The following ARAP2 variants were observed in gnomAD, a reference collection of about 807,000 sequenced individuals.
ARAP2 encodes ArfGAP with RhoGAP domain, ankyrin repeat and PH domain 2, also known as arf-GAP with Rho-GAP domain, ANK repeat and PH domain-containing protein 2.
ARAP2 carries 148 observed loss-of-function variants against 194.5 expected under a neutral mutation model. That is an observed-to-expected ratio of 0.76 (90% CI 0.67 to 0.87). The LOEUF is 0.87. Among genes scored for constraint, ARAP2 ranks in the 40% least tolerant of loss-of-function variants. The pLI is 0.00. For missense variants in ARAP2, 2,128 were observed against 1,989.7 expected (o/e 1.07, Z -1.32); for synonymous variants, 695 against 683.5 (o/e 1.02, Z -0.26).
intron 3 of ARAP2, among the ~76,000 whole-genome samples, chr4:36,050,475 G>A (rs1299734312): frequency 1.3e-5 from 2 of 152,166 alleles, no homozygotes; most frequent in Non-Finnish European, 2.9e-5. Flanking sequence ...CTCTGAATAA[G>A]AACAGAAGGA....
At chr4:36,133,475 A>T in intron 19 of ARAP2, 86 bp from the exon 20 acceptor site, 5 of 1,207,576 alleles carry the variant, frequency 4.1e-6, no homozygotes, top group Non-Finnish European at 5.8e-6. Flanking sequence ...TAAAATCCAC[A>T]CAATCATGCA....
intron 22 of ARAP2, 61 bp from the exon 23 acceptor site, chr4:36,121,387 A>G: frequency 6.9e-7 from 1 of 1,457,838 alleles, no homozygotes; most frequent in Non-Finnish European, 9.2e-7. Flanking sequence ...CATAGAACAG[A>G]AAGCCAGTTT....
chr4:36,106,665 A>G (rs1718490211), intron 27 of ARAP2, among the ~76,000 whole-genome samples: 2 of 151,926 alleles, frequency 1.3e-5, no homozygotes, highest in African/African-American at 4.8e-5. Context: ...CAGTTCTTCA[A>G]TTCAATACTT....
intron 21 of ARAP2, among the ~76,000 whole-genome samples, chr4:36,125,706 G>A (rs1723729312): frequency 1.3e-5 from 2 of 151,980 alleles, no homozygotes; most frequent in African/African-American, 4.8e-5. Context: ...ACCAGAGACA[G>A]AAACCCCCAA....
chr4:36,009,886 G>C (rs986370264), intron 9 of ARAP2, among the ~76,000 whole-genome samples: 3 of 142,102 alleles, frequency 2.1e-5, no homozygotes, highest in East Asian at 2.3e-4. Flanking sequence ...TTTTTGGCGG[G>C]GGGTAGGGGG....
rs1294328218 is a variant in ARAP2 at position 36,119,678 on chromosome 4, C to G, written c.3935G>C (p.Ser1312Thr). Residue 1312 changes from serine (S) to threonine (T), a missense_variant, in exon 24 of 33, where the codon AGC becomes ACC. Ser to Thr is a moderately conservative substitution (Grantham distance 58, BLOSUM62 1). Transcript: ENST00000303965. ...GGTGTCTTTCCACTTGGTAATAAAG[C>G]TATTTTCTATGTCCATTTGTTTGAC... Reference protein sequence around the residue: ...DQVKQMDIENSFITKWKDTQV... With the variant: ...DQVKQMDIENTFITKWKDTQV... The G allele has an allele frequency of 1.9e-6, 3 of 1,603,908 alleles. No individual in the cohort carries two copies. The highest frequency in any genetic ancestry group is 2.2e-5 in the South Asian group (2 of 90,554).
intron 21 of ARAP2, among the ~76,000 whole-genome samples, chr4:36,127,867 A>G (rs892766036): frequency 6.6e-6 from 1 of 151,986 alleles, no homozygotes; most frequent in Non-Finnish European, 1.5e-5. Flanking sequence ...GGTGGAATGA[A>G]AGGCAATGCT....
At position 36,161,339 on chromosome 4, in the gene ARAP2, T is replaced by C. The variant is rs1733900962; in HGVS notation, c.2259+126A>G. 8 of 663,386 alleles carry C rather than the reference T, an allele frequency of 1.2e-5. 1 individual carries two copies. The highest frequency in any genetic ancestry group is 5.3e-5 in the Admixed American group (2 of 37,854). The allele number at this position is 663,386 out of a possible 1,614,324, so 41.1% of individuals were successfully genotyped here. A position where few individuals can be genotyped will look rare whatever the true frequency, so the allele number is the denominator to read the frequency against. ...AAAAGGCTATAAGCCACTTCCATAA[T>C]GTGGTGAGAACTTTATCAAACAGCC... On this transcript the variant is annotated intron_variant, in intron 12 of 32. Transcript: ENST00000303965.
rs371486684 is a variant in ARAP2, at chr4:36,229,285, A to T, written c.202T>A (p.Leu68Met). 6.2e-7 allele frequency: 1 copy of T among 1,613,876 alleles called. No individual in the cohort carries two copies. Among genetic ancestry groups the T allele is most frequent in the African/African-American group, 1.3e-5 (1 of 74,910 alleles). ...RRILKQLQII[L>M]SKMQDIPIYA... is the part of the protein sequence containing the mutation. Reference sequence around the variant, plus strand: ...ATTGGAATATCTTGCATTTTTGACAAGATTATCTGTAACTGTTTAAGTATC... The same window carrying T: ...ATTGGAATATCTTGCATTTTTGACATGATTATCTGTAACTGTTTAAGTATC... Residue 68 changes from leucine to methionine, a missense_variant, in exon 2 of 33, where the codon TTG becomes ATG. Leu to Met is a conservative substitution (Grantham distance 15). Coordinates refer to ENST00000303965, the MANE Select transcript of ARAP2 (RefSeq NM_015230.4).
chr4:36,137,293 G>A (rs569106905), intron 19 of ARAP2, among the ~76,000 whole-genome samples: 1 of 151,882 alleles, frequency 6.6e-6, no homozygotes, highest in East Asian at 1.9e-4. Flanking sequence ...TTGCAAAAAT[G>A]GAAATAAGTT....
chr4:36,016,872 T>G (rs992199273), intron 6 of ARAP2, among the ~76,000 whole-genome samples: 11 of 152,130 alleles, frequency 7.2e-5, no homozygotes, highest in South Asian at 2.1e-4. Flanking sequence ...AATGAAAAAC[T>G]TTCAGGTGGA....
intron 19 of ARAP2, among the ~76,000 whole-genome samples, chr4:36,146,666 G>A (rs1218276857): frequency 6.6e-6 from 1 of 151,958 alleles, no homozygotes; most frequent in Non-Finnish European, 1.5e-5. Flanking sequence ...TAGCAAACAC[G>A]GATACTATCC....
intron 5 of ARAP2, among the ~76,000 whole-genome samples, chr4:36,022,127 G>A (rs577803129): frequency 1.4e-4 from 21 of 152,270 alleles, no homozygotes; most frequent in East Asian, 3.9e-4. Flanking sequence ...TGGGACCATC[G>A]TAGTATATGC....
At chr4:36,161,604 T>A (rs943177962) in intron 11 of ARAP2, 54 bp from the exon 12 acceptor site, 1 of 1,472,944 alleles carries the variant, frequency 6.8e-7, no homozygotes, top group East Asian at 2.3e-5. Context: ...AAATTTATTT[T>A]ACCTTGTTTT....
Position 36,210,381 on chromosome 4 carries a change from C to A in ARAP2, c.1487+9G>T. On this transcript the variant is annotated intron_variant, in intron 6 of 32. Coordinates refer to ENST00000303965, the MANE Select transcript of ARAP2 (RefSeq NM_015230.4). ...ATGCCACTTATGAAATAAATGCATA[C>A]GTACATACCCTTGAGGAGAGAGTTT... The A allele has an allele frequency of 6.4e-7, 1 of 1,571,670 alleles. No homozygotes were observed. The highest frequency in any genetic ancestry group is 8.6e-7 in the Non-Finnish European group (1 of 1,161,382).
At chr4:36,147,144 A>G (rs1017204784) in intron 19 of ARAP2, 152 bp downstream of exon 19, 2 of 567,394 alleles carry the variant, frequency 3.5e-6, no homozygotes, top group Non-Finnish European at 6.2e-6. Flanking sequence ...TTCCAAAGAG[A>G]GCTAATATAT....
At chr4:36,049,242 T>C (rs1043465176) in intron 3 of ARAP2, among the ~76,000 whole-genome samples, 1 of 152,110 alleles carries the variant, frequency 6.6e-6, no homozygotes, top group Non-Finnish European at 1.5e-5. Context: ...TGACAAAAAA[T>C]TTTTTCTGAA....
At chr4:36,063,632 T>A (rs772702012), downstream of ARAP2, among the ~76,000 whole-genome samples, 1 of 152,184 alleles carries the variant, frequency 6.6e-6, no homozygotes, top group Non-Finnish European at 1.5e-5. Context: ...GCTTGAAATT[T>A]GTACCGACTT....
chr4:36,053,218 C>T (rs907601813), intron 2 of ARAP2, among the ~76,000 whole-genome samples: 2 of 151,894 alleles, frequency 1.3e-5, no homozygotes, highest in South Asian at 2.1e-4. Flanking sequence ...CTTGGCCAGG[C>T]TGGTCTTGAA....
Sources: gnomAD v4.1 joint callset for allele counts (sites outside exome capture counted in the v4.1 genomes callset) on GRCh38, gnomAD v4.1.1 for gene constraint, MANE v1.5 for transcripts, NCBI Gene and HGNC (gene_info 2026-07-23, HGNC 2026-07-21) for gene names.